Variants in MPP7 observed in about 807,000 individuals in gnomAD.
MPP7 encodes the protein MAGUK p55 subfamily member 7.
MPP7 carries 60 observed loss-of-function variants against 76.5 expected under a neutral mutation model. The ratio of observed to expected loss-of-function variants is 0.78; its 90% CI spans 0.64 to 0.97. The LOEUF (loss-of-function observed/expected upper bound fraction) is 0.97. Among genes scored for constraint, MPP7 ranks in the 50% least tolerant of loss-of-function variants. The pLI is 0.00. For synonymous variants in MPP7, 237 were observed against 244.5 expected (o/e 0.97, Z 0.29); for missense variants, 641 against 694.0 (o/e 0.92, Z 0.86).
At position 28,192,807 on chromosome 10, in the gene MPP7, T is replaced by C. The variant is rs954469183; in HGVS notation, c.156+9346A>G. The stretch of plus-strand genomic sequence containing the variant: ...ATATGACAAGGCAAAAGATTCAGAA[T>C]AGTCAACACAGTATCAAAGAAGAAC... On this transcript the variant is annotated intron_variant, in intron 3 of 16. Transcript: ENST00000683449. Among the ~76,000 whole-genome samples the C allele has an allele frequency of 5.9e-5, 9 of 152,304 alleles. No individual in the cohort carries two copies. The East Asian group carries it at 1.2e-3, about 20-fold the overall frequency.
intron 2 of MPP7, among the ~76,000 whole-genome samples, chr10:28,222,492 A>G (rs550583725): frequency 1.3e-5 from 2 of 151,986 alleles, no homozygotes; most frequent in Admixed American, 1.3e-4. Flanking sequence ...TCAAAAAATT[A>G]AAAATTAAAA....
At chr10:28,290,655 T>C (rs1840895533) in intron 1 of MPP7, among the ~76,000 whole-genome samples, 1 of 152,114 alleles carries the variant, frequency 6.6e-6, no homozygotes, top group African/African-American at 2.4e-5. Flanking sequence ...GTATTTTTAG[T>C]ACAGATGGGG....
intron 3 of MPP7, among the ~76,000 whole-genome samples, chr10:28,155,461 A>G (rs758817528): frequency 1.4e-4 from 21 of 151,880 alleles, no homozygotes; most frequent in Non-Finnish European, 2.8e-4. Context: ...ATGGTAGTGT[A>G]CACCTGTAGT....
chr10:28,051,069 T>C lies in MPP7; in HGVS notation c.*2996A>G, dbSNP rs1008331652. On this transcript the variant is annotated 3_prime_UTR_variant, in exon 17 of 17. Coordinates refer to ENST00000683449, the MANE Select transcript of MPP7 (RefSeq NM_001318170.2). ...CATCACTTCATATCACAGTAGAAAA[T>C]ATAATTTGTTCTACCATGGGAAATA... 6.6e-6 allele frequency: 1 copy of C among 152,118 alleles called. No homozygotes were observed. Among genetic ancestry groups the C allele is most frequent in the Non-Finnish European group, 1.5e-5 (1 of 68,010 alleles). 9.4% of individuals were successfully genotyped at this position (152,118 alleles called of 1,614,324 possible). A position where few individuals can be genotyped will look rare whatever the true frequency, so the allele number is the denominator to read the frequency against.
At chr10:28,201,106 T>C (rs777686426) in intron 3 of MPP7, among the ~76,000 whole-genome samples, 3 of 152,130 alleles carry the variant, frequency 2.0e-5, no homozygotes, top group Admixed American at 6.6e-5. Flanking sequence ...TACACTGTTA[T>C]GAAAAAATAA....
At chr10:28,222,906 T>C (rs917661157) in intron 2 of MPP7, among the ~76,000 whole-genome samples, 1 of 146,744 alleles carries the variant, frequency 6.8e-6, no homozygotes, top group African/African-American at 2.5e-5. Flanking sequence ...TACATACACA[T>C]AAGCATACTG....
At chr10:28,113,548 G>C (rs1834570119) in intron 11 of MPP7, among the ~76,000 whole-genome samples, 1 of 152,026 alleles carries the variant, frequency 6.6e-6, no homozygotes, top group Admixed American at 6.5e-5. Flanking sequence ...ATATAATCAA[G>C]TCCTTATGAG....
At chr10:28,193,305 C>T (rs113017643) in intron 3 of MPP7, among the ~76,000 whole-genome samples, 11 of 151,386 alleles carry the variant, frequency 7.3e-5, no homozygotes, top group Admixed American at 3.3e-4. Flanking sequence ...CTCTGCCTCT[C>T]GGGTTCAGAC....
At chr10:28,109,209 A>C (rs1485439290) in intron 11 of MPP7, among the ~76,000 whole-genome samples, 3 of 151,886 alleles carry the variant, frequency 2.0e-5, no homozygotes, top group Admixed American at 6.6e-5. Flanking sequence ...AATCACTTGA[A>C]CCCCGGAGGC....
chr10:28,132,008 GCA>G (rs1385857135), intron 5 of MPP7, among the ~76,000 whole-genome samples: 1 of 152,058 alleles, frequency 6.6e-6, no homozygotes, highest in Non-Finnish European at 1.5e-5. Context: ...TAAAAAGGTA[GCA>G]ATTTGGGGCA....
At chr10:28,197,901 A>G (rs1837641470) in intron 3 of MPP7, among the ~76,000 whole-genome samples, 1 of 152,230 alleles carries the variant, frequency 6.6e-6, no homozygotes, top group Non-Finnish European at 1.5e-5. Context: ...TATACCTACT[A>G]TGTAACCCCC....
intron 5 of MPP7, among the ~76,000 whole-genome samples, chr10:28,132,840 C>T (rs991818695): frequency 7.0e-5 from 9 of 129,212 alleles, no homozygotes; most frequent in African/African-American, 2.1e-4. Flanking sequence ...CCTCATGATC[C>T]ACCTGCCTTG....
At chr10:28,103,723 GA>G (rs1326135779) in intron 11 of MPP7, among the ~76,000 whole-genome samples, 1 of 145,800 alleles carries the variant, frequency 6.9e-6, no homozygotes, top group Non-Finnish European at 1.5e-5. Context: ...ACAGCATCTA[GA>G]ATGTAAAAGG....
At chr10:28,085,125 T>C (rs1338321718) in intron 12 of MPP7, among the ~76,000 whole-genome samples, 1 of 152,182 alleles carries the variant, frequency 6.6e-6, no homozygotes, top group African/African-American at 2.4e-5. Flanking sequence ...CAGCACAGTG[T>C]CAAGTACTGC....
chr10:28,079,202 TA>T (rs1852641327), intron 12 of MPP7, among the ~76,000 whole-genome samples: 1 of 152,090 alleles, frequency 6.6e-6, no homozygotes, highest in Non-Finnish European at 1.5e-5. Context: ...TGTTTATGTA[TA>T]AAAAACAAAA....
intron 3 of MPP7, among the ~76,000 whole-genome samples, chr10:28,161,320 G>A (rs1480445181): frequency 1.3e-5 from 2 of 152,054 alleles, no homozygotes; most frequent in East Asian, 3.9e-4. Context: ...ACTGTAGCAT[G>A]TCCAAAAAAC....
intron 2 of MPP7, among the ~76,000 whole-genome samples, chr10:28,219,818 C>A (rs1290094368): frequency 6.6e-6 from 1 of 152,078 alleles, no homozygotes; most frequent in East Asian, 1.9e-4. Flanking sequence ...AAATAGGATA[C>A]ACCAAGCTTT....
intron 1 of MPP7, among the ~76,000 whole-genome samples, chr10:28,258,803 C>T (rs1426119505): frequency 1.3e-5 from 2 of 152,168 alleles, no homozygotes; most frequent in Non-Finnish European, 2.9e-5. Context: ...CCACCAGGCA[C>T]TATGCTAGAA....
chr10:28,175,127 T>C (rs937329830), intron 3 of MPP7, among the ~76,000 whole-genome samples: 2 of 151,956 alleles, frequency 1.3e-5, no homozygotes, highest in African/African-American at 2.4e-5. Context: ...CCATCTCTAC[T>C]AAAAATCCAT....
Sources: gnomAD v4.1 joint callset for allele counts (sites outside exome capture counted in the v4.1 genomes callset) on GRCh38, gnomAD v4.1.1 for gene constraint, MANE v1.5 for transcripts, NCBI Gene and HGNC (gene_info 2026-07-23, HGNC 2026-07-21) for gene names.